Variants in JARID2 observed in about 807,000 individuals in gnomAD.
The protein encoded by JARID2 is jumonji and AT-rich interaction domain containing 2, also known as protein Jumonji.
JARID2 carries 21 observed loss-of-function variants against 125.6 expected under a neutral mutation model. That is an observed-to-expected ratio of 0.17 (90% CI 0.12 to 0.24). The LOEUF is 0.24. Among genes scored for constraint, JARID2 ranks in the 10% least tolerant of loss-of-function variants. The pLI is 1.00. For synonymous variants in JARID2, 736 were observed against 661.6 expected (o/e 1.11, Z -1.73); for missense variants, 1,303 against 1,639.6 (o/e 0.79, Z 3.55).
chr6:15,445,455 C>G (rs1767633019), intron 3 of JARID2, among the ~76,000 whole-genome samples: 1 of 152,218 alleles, frequency 6.6e-6, no homozygotes, highest in Non-Finnish European at 1.5e-5. Flanking sequence ...GCGGTGATAC[C>G]TAACAGCAAG....
chr6:15,258,757 G>T (rs1173919708), intron 1 of JARID2, among the ~76,000 whole-genome samples: 2 of 152,192 alleles, frequency 1.3e-5, no homozygotes, highest in Non-Finnish European at 2.9e-5. Flanking sequence ...ACTCCAGCCT[G>T]GGCAACAGAG....
chr6:15,440,208 A>G (rs1767387767), intron 3 of JARID2, among the ~76,000 whole-genome samples: 1 of 152,232 alleles, frequency 6.6e-6, no homozygotes, highest in South Asian at 2.1e-4. Flanking sequence ...GCCGCTGTCT[A>G]CATATGTGAC....
chr6:15,423,486 T>C (rs368445877), intron 3 of JARID2, among the ~76,000 whole-genome samples: 1 of 152,198 alleles, frequency 6.6e-6, no homozygotes, highest in East Asian at 1.9e-4. Flanking sequence ...TTTGTTGGTG[T>C]AACACTGTGG....
intron 5 of JARID2, among the ~76,000 whole-genome samples, chr6:15,484,003 C>T (rs1769747373): frequency 6.6e-6 from 1 of 152,136 alleles, no homozygotes; most frequent in East Asian, 1.9e-4. Context: ...AGTTAACCTA[C>T]CATTTTTCGT....
At chr6:15,378,870 T>G (rs1236746168) in intron 2 of JARID2, among the ~76,000 whole-genome samples, 6 of 152,220 alleles carry the variant, frequency 3.9e-5, no homozygotes, top group Non-Finnish European at 8.8e-5. Flanking sequence ...AATTTTTATC[T>G]AATTTGAAAA....
intron 3 of JARID2, among the ~76,000 whole-genome samples, chr6:15,415,200 TCCCGTGTCTA>T (rs1025828678): frequency 7.9e-5 from 12 of 152,164 alleles, no homozygotes; most frequent in Admixed American, 7.8e-4. Flanking sequence ...ATGAAAAGTC[TCCCGTGTCTA>T]CCTCCCTCTA....
chr6:15,248,481 G>C (rs868364574), intron 1 of JARID2: 1 of 145,394 alleles, frequency 6.9e-6, no homozygotes, highest in East Asian at 2.1e-4. Flanking sequence ...GGGGGCGCGC[G>C]GCGCACAGCT....
At chr6:15,503,493 G>A (rs1770840912) in intron 8 of JARID2, among the ~76,000 whole-genome samples, 1 of 152,154 alleles carries the variant, frequency 6.6e-6, no homozygotes, top group African/African-American at 2.4e-5. Context: ...GGGGGACGCT[G>A]CGGTGTCCAG....
In JARID2 at chr6:15,328,406, C is replaced by A. The variant is rs141046314; in HGVS notation, c.46-45711C>A. 9.2e-3 allele frequency among the ~76,000 whole-genome samples: 1,395 copies of A among 152,258 alleles called. 30 individuals are homozygous for A. The highest frequency in any genetic ancestry group is 0.031 in the African/African-American group (1,280 of 41,536). ...CACCAGTGTCTGCAGGTTGCTGTTG[C>A]AGGTTGCAAGTTACTGTGCTGCCTT... On this transcript the variant is annotated intron_variant, in intron 1 of 17. Transcript: ENST00000341776.
intron 5 of JARID2, among the ~76,000 whole-genome samples, chr6:15,471,359 A>C (rs1460424982): frequency 2.6e-5 from 4 of 152,192 alleles, no homozygotes; most frequent in African/African-American, 9.7e-5. Context: ...CTTGTGAAGG[A>C]ATTTAATTTT....
At chr6:15,365,750 C>G (rs967203668) in intron 1 of JARID2, among the ~76,000 whole-genome samples, 4 of 151,990 alleles carry the variant, frequency 2.6e-5, no homozygotes, top group African/African-American at 9.7e-5. Context: ...GCATGTCTGT[C>G]TGAAGAAATT....
At chr6:15,413,000 G>GTTTTTTTTTTTTTTTTTTTT (rs1561845196) in intron 3 of JARID2, among the ~76,000 whole-genome samples, 1 of 65,026 alleles carries the variant, frequency 1.5e-5, no homozygotes. Flanking sequence ...GGAAGAGCTT[G>GTTTTTTTTTTTTTTTTTTTT]TGTTTTTGTT....
chr6:15,274,195 G>A (rs894658631), intron 1 of JARID2, among the ~76,000 whole-genome samples: 2 of 152,140 alleles, frequency 1.3e-5, no homozygotes, highest in African/African-American at 4.8e-5. Context: ...CTCCCAAAGT[G>A]CTGGGATTAC....
intron 2 of JARID2, among the ~76,000 whole-genome samples, chr6:15,377,823 G>A (rs1764416729): frequency 7.8e-6 from 1 of 128,984 alleles, no homozygotes; most frequent in Non-Finnish European, 1.7e-5. Flanking sequence ...TGAGCCACCT[G>A]TCCCGAGCCA....
rs1016205940 is a variant in JARID2 at position 15,374,027 on chromosome 6, G to T, written c.46-90G>T. The stretch of plus-strand genomic sequence containing the variant: ...GGTCGTGGTCACACAGTACGTGTTC[G>T]GAAATTCCTTTAAAATAAAGTTTAT... On this transcript the variant is annotated intron_variant, in intron 1 of 17. Transcript: ENST00000341776. The T allele has an allele frequency of 2.7e-6, 4 of 1,485,394 alleles. No homozygotes were observed. In the East Asian group the frequency reaches 9.1e-5, roughly 34 times the overall value. The allele number at this position is 1,485,394 out of a possible 1,614,324, so 92.0% of individuals were successfully genotyped here.
intron 1 of JARID2, among the ~76,000 whole-genome samples, chr6:15,311,596 A>G (rs928805625): frequency 7.9e-5 from 12 of 152,220 alleles, no homozygotes; most frequent in Admixed American, 2.6e-4. Flanking sequence ...AAAGAAAAAG[A>G]AAAAGTCTGA....
At chr6:15,430,826 C>G (rs759670468) in intron 3 of JARID2, among the ~76,000 whole-genome samples, 78 of 152,128 alleles carry the variant, frequency 5.1e-4, no homozygotes, top group Non-Finnish European at 1.0e-3. Context: ...CCAGACCAGT[C>G]TTGGGGTACT....
chr6:15,422,357 C>T (rs1182411734), intron 3 of JARID2, among the ~76,000 whole-genome samples: 1 of 152,208 alleles, frequency 6.6e-6, no homozygotes, highest in Admixed American at 6.5e-5. Flanking sequence ...TGGAAATCTT[C>T]CAAGTGTGGG....
intron 1 of JARID2, among the ~76,000 whole-genome samples, chr6:15,330,361 G>A (rs1239055488): frequency 1.3e-5 from 2 of 152,220 alleles, no homozygotes; most frequent in Admixed American, 6.5e-5. Context: ...CACATCCTGC[G>A]CCAGCATTGG....
Sources: gnomAD v4.1 joint callset for allele counts (sites outside exome capture counted in the v4.1 genomes callset) on GRCh38, gnomAD v4.1.1 for gene constraint, MANE v1.5 for transcripts, NCBI Gene and HGNC (gene_info 2026-07-23, HGNC 2026-07-21) for gene names.